Variants in SLC39A11 observed in about 807,000 individuals in gnomAD.
The protein encoded by SLC39A11 is solute carrier family 39 member 11.
Under a neutral mutation model 36.1 loss-of-function variants are expected in SLC39A11, and 33 were observed. The ratio of observed to expected loss-of-function variants is 0.91; its 90% CI spans 0.69 to 1.22. The LOEUF (loss-of-function observed/expected upper bound fraction) is 1.22, where lower values mean the gene tolerates loss of function less well. Ranked by LOEUF, SLC39A11 falls within the 50% of genes most tolerant of loss-of-function variation. SLC39A11 has a pLI of 0.00. For missense variants in SLC39A11, 432 were observed against 430.3 expected (o/e 1.00, Z -0.03); for synonymous variants, 166 against 170.3 (o/e 0.97, Z 0.20).
chr17:72,940,055 T>C (rs923577957), intron 5 of SLC39A11, among the ~76,000 whole-genome samples: 1 of 152,204 alleles, frequency 6.6e-6, no homozygotes, highest in Non-Finnish European at 1.5e-5. Context: ...ATGCTCAATA[T>C]GTACTTTGTT....
rs140433976 is a variant in SLC39A11 at position 72,904,022 on chromosome 17, G to GTA, written c.430+43728_430+43729dup. ...CTCCACATGGGCCAGGCACTGTGCT[G>GTA]TATACATGGGAACCCTGAGATGAAA... On this transcript the variant is annotated intron_variant, in intron 5 of 9. Transcript: ENST00000255559. Among the ~76,000 whole-genome samples, 33 of 152,324 alleles carry GTA rather than the reference G, an allele frequency of 2.2e-4. No homozygotes were observed. In the East Asian group the frequency reaches 5.2e-3, roughly 24 times the overall value.
At chr17:72,731,935 C>G (rs1433608593) in intron 7 of SLC39A11, among the ~76,000 whole-genome samples, 1 of 151,324 alleles carries the variant, frequency 6.6e-6, no homozygotes, top group Non-Finnish European at 1.5e-5. Flanking sequence ...CCATGTTGGT[C>G]AGGCTGGTCT....
intron 4 of SLC39A11, among the ~76,000 whole-genome samples, chr17:73,014,932 C>T (rs1305220933): frequency 6.6e-6 from 1 of 152,214 alleles, no homozygotes; most frequent in Non-Finnish European, 1.5e-5. Context: ...GCCCCTGAGC[C>T]ACTGGTTCAT....
At chr17:72,721,927 G>T (rs967875282) in intron 7 of SLC39A11, among the ~76,000 whole-genome samples, 1 of 133,676 alleles carries the variant, frequency 7.5e-6, no homozygotes, top group African/African-American at 3.0e-5. Context: ...CAGAGATGGC[G>T]CCACTACATT....
chr17:72,678,346 G>A (rs1158880347), intron 7 of SLC39A11, among the ~76,000 whole-genome samples: 1 of 152,132 alleles, frequency 6.6e-6, no homozygotes, highest in African/African-American at 2.4e-5. Flanking sequence ...GCGAGAAGGA[G>A]GGTACTAAAG....
At chr17:73,033,381 A>C (rs568785566) in intron 3 of SLC39A11, among the ~76,000 whole-genome samples, 6 of 152,332 alleles carry the variant, frequency 3.9e-5, no homozygotes, top group Admixed American at 1.3e-4. Context: ...GAAGAAAAAA[A>C]ATTAGGCTAG....
chr17:72,659,439 G>T (rs768985799), intron 7 of SLC39A11, among the ~76,000 whole-genome samples: 1 of 152,184 alleles, frequency 6.6e-6, no homozygotes, highest in African/African-American at 2.4e-5. Flanking sequence ...AGAAAGCAAA[G>T]ATGTGAGATG....
At chr17:72,776,196 G>C (rs1000745722) in intron 6 of SLC39A11, among the ~76,000 whole-genome samples, 1 of 152,198 alleles carries the variant, frequency 6.6e-6, no homozygotes, top group Non-Finnish European at 1.5e-5. Context: ...CAGATGTTTA[G>C]ATTCTGCAGG....
At chr17:72,868,618 C>CAAAA (rs71354894) in intron 5 of SLC39A11, among the ~76,000 whole-genome samples, 2,844 of 56,184 alleles carry the variant, frequency 0.051, 4 homozygotes, top group Non-Finnish European at 0.06. Flanking sequence ...CCTGTCTCTA[C>CAAAA]AAAAAAAAAA....
At chr17:73,029,203 C>G (rs184884025) in intron 4 of SLC39A11, among the ~76,000 whole-genome samples, 1 of 151,990 alleles carries the variant, frequency 6.6e-6, no homozygotes, top group African/African-American at 2.4e-5. Context: ...TACATTCAGA[C>G]AGCTGACCAA....
At chr17:72,850,079 T>C (rs2079235261) in intron 5 of SLC39A11, among the ~76,000 whole-genome samples, 2 of 151,970 alleles carry the variant, frequency 1.3e-5, no homozygotes, top group Non-Finnish European at 2.9e-5. Flanking sequence ...CAATTGCCCA[T>C]TCCAAACTTC....
chr17:72,860,603 C>A (rs1263197381), intron 5 of SLC39A11, among the ~76,000 whole-genome samples: 1 of 152,178 alleles, frequency 6.6e-6, no homozygotes, highest in Non-Finnish European at 1.5e-5. Flanking sequence ...CCAGCAGGCA[C>A]AGCTCAGGGA....
At chr17:72,905,597 T>TA (rs570222840) in intron 5 of SLC39A11, among the ~76,000 whole-genome samples, 5,744 of 143,144 alleles carry the variant, frequency 0.04, 234 homozygotes, top group African/African-American at 0.11. Context: ...ACTCTGTCTC[T>TA]AAAAAAAAAA....
intron 5 of SLC39A11, among the ~76,000 whole-genome samples, chr17:72,906,408 C>T (rs536225507): frequency 6.6e-6 from 1 of 152,244 alleles, no homozygotes; most frequent in African/African-American, 2.4e-5. Flanking sequence ...AGTGTTTCCT[C>T]CTGGGCTTCC....
intron 5 of SLC39A11, among the ~76,000 whole-genome samples, chr17:72,917,550 C>A (rs1000833845): frequency 2.0e-5 from 3 of 152,102 alleles, no homozygotes; most frequent in African/African-American, 7.2e-5. Context: ...AAGCAGCATG[C>A]AAGACACTGA....
intron 5 of SLC39A11, among the ~76,000 whole-genome samples, chr17:72,877,728 G>A (rs538344417): frequency 6.6e-6 from 1 of 152,210 alleles, no homozygotes; most frequent in Admixed American, 6.5e-5. Flanking sequence ...GGAGAGACCG[G>A]GGACAGCGTG....
chr17:73,039,089 AAAT>A (rs1329535959), intron 3 of SLC39A11, among the ~76,000 whole-genome samples: 2 of 152,146 alleles, frequency 1.3e-5, no homozygotes, highest in African/African-American at 4.8e-5. Flanking sequence ...AGCCCCAGTC[AAAT>A]AACCTAAGCT....
chr17:73,020,110 A>G (rs943250000), intron 4 of SLC39A11, among the ~76,000 whole-genome samples: 4 of 152,386 alleles, frequency 2.6e-5, no homozygotes, highest in South Asian at 4.1e-4. Context: ...CACCATATTC[A>G]GAGCCCTTTA....
chr17:72,778,587 AATG>A (rs1171337481), intron 6 of SLC39A11, among the ~76,000 whole-genome samples: 2 of 152,278 alleles, frequency 1.3e-5, no homozygotes, highest in Non-Finnish European at 1.5e-5. Context: ...GACAACACAA[AATG>A]ATGATGGCCT....
Sources: gnomAD v4.1 joint callset for allele counts (sites outside exome capture counted in the v4.1 genomes callset) on GRCh38, gnomAD v4.1.1 for gene constraint, MANE v1.5 for transcripts, NCBI Gene and HGNC (gene_info 2026-07-23, HGNC 2026-07-21) for gene names.